Variants in MEGF11 observed in about 807,000 individuals in gnomAD.
The protein encoded by MEGF11 is multiple EGF like domains 11.
Under a neutral mutation model 146.6 loss-of-function variants are expected in MEGF11, and 126 were observed. That is an observed-to-expected ratio of 0.86 (90% CI 0.74 to 1.00). MEGF11 has a LOEUF of 1.00. MEGF11 is among the 50% of genes least tolerant of loss of function. The pLI, the probability that MEGF11 is intolerant of heterozygous loss-of-function variation, is 0.00. For synonymous variants in MEGF11, 532 were observed against 583.4 expected, an observed-to-expected ratio of 0.91 and a Z score of 1.27; for missense variants, 1,509 against 1,521.2, an observed-to-expected ratio of 0.99 and a Z score of 0.13.
At position 66,220,522 on chromosome 15, in the gene MEGF11, T is replaced by A. The variant is rs528705507; in HGVS notation, c.-9+33083A>T. On this transcript the variant is annotated intron_variant, in intron 1 of 25. Transcript: ENST00000395614. ...AAAGGAGGAGCACAAGGAGGTTTCG[T>A]TGGGTTTTTTTTTTTTTTTTTTTGC... 2.2e-5 allele frequency among the ~76,000 whole-genome samples: 2 copies of A among 89,600 alleles called. 1 individual carries two copies. Among genetic ancestry groups the A allele is most frequent in the South Asian group, 8.3e-4 (2 of 2,408 alleles). 58.8% of individuals were successfully genotyped at this position (89,600 alleles called of 152,430 possible).
intron 5 of MEGF11, among the ~76,000 whole-genome samples, chr15:66,088,885 G>C (rs903551586): frequency 6.6e-6 from 1 of 152,156 alleles, no homozygotes; most frequent in Non-Finnish European, 1.5e-5. Flanking sequence ...TTTCAGTTGG[G>C]GAAGATGAAA....
At chr15:66,219,170 C>T (rs986311161) in intron 1 of MEGF11, among the ~76,000 whole-genome samples, 6 of 152,050 alleles carry the variant, frequency 3.9e-5, no homozygotes, top group African/African-American at 1.2e-4. Context: ...AGTTCTTAGA[C>T]ATGACACCAA....
At chr15:66,064,029 A>G (rs1039081593) in intron 5 of MEGF11, among the ~76,000 whole-genome samples, 3 of 152,200 alleles carry the variant, frequency 2.0e-5, no homozygotes, top group African/African-American at 7.2e-5. Context: ...TTCAGAACCT[A>G]TCACCACACC....
At chr15:66,135,821 C>G (rs1025259516) in intron 1 of MEGF11, among the ~76,000 whole-genome samples, 1 of 152,184 alleles carries the variant, frequency 6.6e-6, no homozygotes, top group Non-Finnish European at 1.5e-5. Flanking sequence ...AAGTCAGTAC[C>G]AGTTCCCCTC....
rs151177038 is a variant in MEGF11, at chr15:66,179,501, G to A, written c.-8-51090C>T. Reference sequence around the variant, plus strand: ...GGAGCAGAAGAGCCCAAAGCAACTCGCAGACCTTCAGGAACAGGCTCTCCG... The same window carrying A: ...GGAGCAGAAGAGCCCAAAGCAACTCACAGACCTTCAGGAACAGGCTCTCCG... On this transcript the variant is annotated intron_variant, in intron 1 of 25. Transcript: ENST00000395614. 3.2e-3 allele frequency among the ~76,000 whole-genome samples: 485 copies of A among 152,212 alleles called. 4 individuals are homozygous for A. The highest frequency in any genetic ancestry group is 0.011 in the African/African-American group (451 of 41,520).
chr15:66,235,191 C>G (rs2140216459), intron 1 of MEGF11, among the ~76,000 whole-genome samples: 1 of 152,282 alleles, frequency 6.6e-6, no homozygotes, highest in South Asian at 2.1e-4. Flanking sequence ...AATTAGGGAG[C>G]CGATTAAAGC....
At chr15:66,220,593 A>G (rs2091711166) in intron 1 of MEGF11, among the ~76,000 whole-genome samples, 1 of 144,706 alleles carries the variant, frequency 6.9e-6, no homozygotes, top group African/African-American at 2.6e-5. Flanking sequence ...GCTGGAGTGC[A>G]GTGGCGTGAT....
At chr15:66,154,379 C>T (rs1190084628) in intron 1 of MEGF11, among the ~76,000 whole-genome samples, 6 of 152,206 alleles carry the variant, frequency 3.9e-5, no homozygotes, top group African/African-American at 1.4e-4. Context: ...GCAAAGAGTA[C>T]TTGCCCCGCA....
At chr15:66,025,273 G>A (rs2140202019) in intron 5 of MEGF11, among the ~76,000 whole-genome samples, 1 of 152,252 alleles carries the variant, frequency 6.6e-6, no homozygotes, top group African/African-American at 2.4e-5. Context: ...CCTGCTGCTG[G>A]CAGCCACCCA....
intron 1 of MEGF11, among the ~76,000 whole-genome samples, chr15:66,250,902 C>CA (rs950243030): frequency 9.9e-4 from 129 of 130,098 alleles, no homozygotes; most frequent in East Asian, 3.8e-3. Context: ...GACTCCGTCT[C>CA]AAAAAAAAAA....
chr15:66,167,908 C>T (rs2090144778), intron 1 of MEGF11, among the ~76,000 whole-genome samples: 1 of 152,142 alleles, frequency 6.6e-6, no homozygotes, highest in Non-Finnish European at 1.5e-5. Context: ...ACTGGCCTGG[C>T]CTCAGGGGAT....
intron 4 of MEGF11, among the ~76,000 whole-genome samples, chr15:66,102,601 AG>A (rs1248367887): frequency 6.9e-6 from 1 of 144,300 alleles, no homozygotes; most frequent in Admixed American, 6.8e-5. Flanking sequence ...TAATTAAAAA[AG>A]TTTTTTTTGT....
In MEGF11 at chr15:65,906,111, G is replaced by T. The variant is rs978096763; in HGVS notation, c.3029C>A (p.Thr1010Lys). The change falls in exon 24 of 26, where the codon ACA becomes AAA. Residue 1010 changes from threonine (T) to lysine (K), a missense_variant. Thr to Lys is a moderately conservative substitution (Grantham distance 78). Coordinates refer to ENST00000395614, the MANE Select transcript of MEGF11 (RefSeq NM_001385028.1). ...GACGMDRRQN[T>K]YIMDKGFKDY... ...TTTGAAGCCTTTGTCCATAATGTATGTGTTCTGACGTCTATCCATTCCACA... is the reference window on the plus strand; with the variant it reads ...TTTGAAGCCTTTGTCCATAATGTATTTGTTCTGACGTCTATCCATTCCACA... 2 of 1,611,022 alleles carry T rather than the reference G, an allele frequency of 1.2e-6. No individual in the cohort carries two copies. Among genetic ancestry groups the T allele is most frequent in the South Asian group, 2.2e-5 (2 of 90,146 alleles).
intron 4 of MEGF11, among the ~76,000 whole-genome samples, chr15:66,108,474 G>GA (rs1318808509): frequency 1.3e-5 from 2 of 151,996 alleles, no homozygotes; most frequent in Non-Finnish European, 2.9e-5. Flanking sequence ...ATAGTGCAAA[G>GA]AAAAAAACAA....
At chr15:65,959,612 A>C (rs912920411) in intron 9 of MEGF11, among the ~76,000 whole-genome samples, 1 of 152,244 alleles carries the variant, frequency 6.6e-6, no homozygotes, top group Non-Finnish European at 1.5e-5. Context: ...CTAAGACTCT[A>C]TCCTAAGGAA....
At chr15:66,125,442 C>T (rs893647277) in intron 2 of MEGF11, among the ~76,000 whole-genome samples, 9 of 152,128 alleles carry the variant, frequency 5.9e-5, no homozygotes, top group Admixed American at 2.0e-4. Context: ...GAATGGGGAG[C>T]GTGCACGGGC....
intron 4 of MEGF11, among the ~76,000 whole-genome samples, chr15:66,117,560 G>A (rs1189896498): frequency 8.5e-5 from 13 of 152,120 alleles, no homozygotes; most frequent in Admixed American, 6.5e-4. Context: ...GGATCTCTGC[G>A]CTGACGTCCA....
intron 1 of MEGF11, among the ~76,000 whole-genome samples, chr15:66,244,208 C>T (rs1471728617): frequency 2.6e-5 from 4 of 152,176 alleles, no homozygotes; most frequent in African/African-American, 4.8e-5. Flanking sequence ...CAGTAAACAT[C>T]GCCCACTCCT....
At chr15:66,057,925 A>G (rs1376545052) in intron 5 of MEGF11, among the ~76,000 whole-genome samples, 2 of 152,240 alleles carry the variant, frequency 1.3e-5, no homozygotes. Flanking sequence ...ATGCCAGGCC[A>G]TAAAGATGAA....
Sources: gnomAD v4.1 joint callset for allele counts (sites outside exome capture counted in the v4.1 genomes callset) on GRCh38, gnomAD v4.1.1 for gene constraint, MANE v1.5 for transcripts, NCBI Gene and HGNC (gene_info 2026-07-23, HGNC 2026-07-21) for gene names.